BTBD8: variants seen among roughly 807,000 people sequenced by gnomAD.
The protein encoded by BTBD8 is BTB/POZ domain-containing protein 8.
Under a neutral mutation model 162.9 loss-of-function variants are expected in BTBD8, and 110 were observed. The observed-to-expected ratio is 0.68, with a 90% CI of 0.58 to 0.79. The LOEUF is 0.79. BTBD8 is among the 30% of genes least tolerant of loss of function. The pLI, the probability that BTBD8 is intolerant of heterozygous loss-of-function variation, is 0.00. For synonymous variants in BTBD8, 667 were observed against 716.1 expected, an observed-to-expected ratio of 0.93 and a Z score of 1.10; for missense variants, 1,905 against 2,085.4, an observed-to-expected ratio of 0.91 and a Z score of 1.68.
chr1:92,145,112 T>C (rs1047041617), intron 7 of BTBD8, among the ~76,000 whole-genome samples: 8 of 152,130 alleles, frequency 5.3e-5, no homozygotes, highest in African/African-American at 1.7e-4. Context: ...TACAGGCATG[T>C]GCCACCACGC....
intron 2 of BTBD8, among the ~76,000 whole-genome samples, chr1:92,097,355 A>G (rs1461989762): frequency 1.3e-5 from 2 of 152,060 alleles, no homozygotes; most frequent in Non-Finnish European, 2.9e-5. Context: ...CACTCTTGCC[A>G]ATTCGTTTCC....
At position 92,148,400 on chromosome 1, in the gene BTBD8, C is replaced by T. The variant is rs558459141; in HGVS notation, c.1122+614C>T. Among the ~76,000 whole-genome samples, 6 of 152,246 alleles carry T rather than the reference C, an allele frequency of 3.9e-5. No individual in the cohort carries two copies. The East Asian group carries it at 1.2e-3, about 29-fold the overall frequency. ...TAAAGTATAGAAATTGGGCCTTGCTCATGGAATTCACTGGTCTTAGAAAGA... is the reference window on the plus strand; with the variant it reads ...TAAAGTATAGAAATTGGGCCTTGCTTATGGAATTCACTGGTCTTAGAAAGA... On this transcript the variant is annotated intron_variant, in intron 9 of 17. Coordinates refer to ENST00000636805, the MANE Select transcript of BTBD8 (RefSeq NM_001376131.1).
intron 5 of BTBD8, among the ~76,000 whole-genome samples, chr1:92,132,354 G>T (rs1470959220): frequency 6.6e-6 from 1 of 151,458 alleles, no homozygotes; most frequent in Non-Finnish European, 1.5e-5. Flanking sequence ...CCCCTCATGA[G>T]CTGATGAGAT....
At chr1:92,113,524 G>A (rs1429951568) in intron 4 of BTBD8, among the ~76,000 whole-genome samples, 1 of 152,208 alleles carries the variant, frequency 6.6e-6, no homozygotes, top group Non-Finnish European at 1.5e-5. Flanking sequence ...GTTGGGCAAG[G>A]CCATTATTGG....
intron 11 of BTBD8, 69 bp from the exon 12 acceptor site, chr1:92,168,797 A>C: frequency 7.2e-7 from 1 of 1,381,312 alleles, no homozygotes; most frequent in Middle Eastern, 1.9e-4. Context: ...GTAGATTCTG[A>C]AAGGAATAAT....
intron 5 of BTBD8, among the ~76,000 whole-genome samples, chr1:92,137,366 G>A (rs368976883): frequency 2.0e-5 from 3 of 152,240 alleles, no homozygotes; most frequent in African/African-American, 4.8e-5. Flanking sequence ...GAGAGGATAC[G>A]GTCATAGTAC....
In BTBD8 at chr1:92,153,030, G is replaced by A. The variant is rs1650082201; in HGVS notation, c.1122+5244G>A. Among the ~76,000 whole-genome samples, 5 of 152,132 alleles carry A rather than the reference G, an allele frequency of 3.3e-5. No individual in the cohort carries two copies. In the South Asian group the frequency reaches 1.0e-3, roughly 32 times the overall value. On this transcript the variant is annotated intron_variant, in intron 9 of 17. Coordinates refer to ENST00000636805, the MANE Select transcript of BTBD8 (RefSeq NM_001376131.1). ...TATTTTAATTTTCTCAAAATTCGAA[G>A]TATGTTACCCAGAAAGAGCAAGCAG...
At chr1:92,183,837 A>G in intron 17 of BTBD8, 27 bp from the exon 18 acceptor site, 2 of 1,485,560 alleles carry the variant, frequency 1.3e-6, no homozygotes, top group East Asian at 2.5e-5. Flanking sequence ...CAATTTTTAC[A>G]TTGTGTAGTA....
At chr1:92,171,265 C>A in intron 12 of BTBD8, 134 bp from the exon 13 acceptor site, 2 of 565,726 alleles carry the variant, frequency 3.5e-6, no homozygotes, top group Non-Finnish European at 6.0e-6. Flanking sequence ...GTTTTGTATA[C>A]TAGATTGGTT....
rs1334250489 is a variant in BTBD8 at position 92,088,727 on chromosome 1, T to G, written c.179T>G (p.Val60Gly). 6.2e-7 allele frequency: 1 copy of G among 1,610,824 alleles called. No individual in the cohort carries two copies. The highest frequency in any genetic ancestry group is 2.2e-5 in the East Asian group (1 of 44,708). ...RLLREEFHTDVTFSVGCTLFK... is the reference protein window; with the variant it reads ...RLLREEFHTDGTFSVGCTLFK... The stretch of plus-strand genomic sequence containing the variant: ...CTAAGGGAAGAATTCCATACAGATG[T>G]TACCTTCTCTGTGGGTTGTACTTTG... The change falls in exon 2 of 18, where the codon GTT becomes GGT. Residue 60 changes from valine to glycine, a missense_variant. Physicochemically the swap from Val to Gly is moderately radical, Grantham distance 109. Around this residue, in one of 3 missense-constraint regions of BTBD8, gnomAD observed 1,374 missense variants for 1,442.7 expected, o/e 0.95. Transcript: ENST00000636805.
At chr1:92,139,681 A>ACCATAAT in intron 6 of BTBD8, 1 of 642,988 alleles carries the variant, frequency 1.6e-6, no homozygotes, top group Non-Finnish European at 2.1e-6. Flanking sequence ...GAAGCTATAA[A>ACCATAAT]TTATGGTTTA....
chr1:92,086,330 C>G (rs990096276), intron 1 of BTBD8, among the ~76,000 whole-genome samples: 1 of 152,114 alleles, frequency 6.6e-6, no homozygotes, highest in Admixed American at 6.5e-5. Context: ...GACCCTGGAC[C>G]GCAGACATGT....
At chr1:92,143,915 A>C in intron 7 of BTBD8, among the ~76,000 whole-genome samples, 1 of 149,198 alleles carries the variant, frequency 6.7e-6, no homozygotes, top group Non-Finnish European at 1.5e-5. Context: ...ATATTTCTTA[A>C]TGTATATTTT....
chr1:92,161,645 G>A (rs1428723156), intron 9 of BTBD8, among the ~76,000 whole-genome samples: 2 of 152,142 alleles, frequency 1.3e-5, no homozygotes, highest in Non-Finnish European at 2.9e-5. Context: ...AAGAGAAGTG[G>A]ACGTGAGAAC....
chr1:92,088,058 G>T (rs375828316), intron 1 of BTBD8, among the ~76,000 whole-genome samples: 6 of 152,256 alleles, frequency 3.9e-5, no homozygotes, highest in Admixed American at 3.9e-4. Flanking sequence ...AAAGGGATTT[G>T]AAAGGATCAC....
intron 2 of BTBD8, among the ~76,000 whole-genome samples, chr1:92,098,479 T>A (rs929812838): frequency 1.3e-5 from 2 of 152,194 alleles, no homozygotes; most frequent in African/African-American, 4.8e-5. Flanking sequence ...AGTAACCTTT[T>A]CAGGAACTGA....
At chr1:92,176,191 T>G (rs1179614045) in intron 13 of BTBD8, among the ~76,000 whole-genome samples, 2 of 152,208 alleles carry the variant, frequency 1.3e-5, no homozygotes, top group African/African-American at 4.8e-5. Flanking sequence ...ATAAAATTTC[T>G]GGCACTTGGA....
chr1:92,112,173 G>T (rs1648914302), intron 4 of BTBD8, among the ~76,000 whole-genome samples: 1 of 152,158 alleles, frequency 6.6e-6, no homozygotes, highest in Admixed American at 6.5e-5. Context: ...ACTCTGGGAG[G>T]CTGAGACGAG....
chr1:92,097,838 A>G (rs1444064334), intron 2 of BTBD8, among the ~76,000 whole-genome samples: 4 of 152,216 alleles, frequency 2.6e-5, no homozygotes, highest in East Asian at 1.9e-4. Context: ...ACTAAAGGCT[A>G]TGATTTACTA....
Sources: gnomAD v4.1 joint callset for allele counts (sites outside exome capture counted in the v4.1 genomes callset) on GRCh38, gnomAD v4.1.1 for gene constraint, gnomAD v4.1.1 regional missense constraint, MANE v1.5 for transcripts, NCBI Gene and HGNC (gene_info 2026-07-23, HGNC 2026-07-21) for gene names.